The following ELAPOR1 variants were observed in gnomAD, a reference collection of about 807,000 sequenced individuals.
The protein encoded by ELAPOR1 is endosome/lysosome-associated apoptosis and autophagy regulator 1.
In ELAPOR1, 77 loss-of-function variants were observed where a neutral mutation model predicts 119.7. The ratio of observed to expected loss-of-function variants is 0.64; its 90% CI spans 0.54 to 0.78. The LOEUF (loss-of-function observed/expected upper bound fraction) is 0.78, where lower values mean the gene tolerates loss of function less well. Ranked by LOEUF, ELAPOR1 falls within the 30% of genes least tolerant of loss-of-function variation. The probability of loss-of-function intolerance (pLI) is 0.00; values close to 1 mark genes in which losing one functional copy is unlikely to be tolerated. For synonymous variants in ELAPOR1, 481 were observed against 487.2 expected (o/e 0.99, Z 0.17); for missense variants, 1,115 against 1,270.4 (o/e 0.88, Z 1.86).
chr1:109,170,192 GTT>G (rs757111503), intron 3 of ELAPOR1, among the ~76,000 whole-genome samples: 1 of 152,220 alleles, frequency 6.6e-6, no homozygotes, highest in Non-Finnish European at 1.5e-5. Flanking sequence ...GCATGCGCAT[GTT>G]AAACACCAGA....
rs374502106 is a variant in ELAPOR1 at position 109,200,864 on chromosome 1, G to A, written c.2937G>A (p.Lys979=). 2.2e-5 allele frequency: 36 copies of A among 1,614,078 alleles called. No individual in the cohort carries two copies. Among genetic ancestry groups the A allele is most frequent in the African/African-American group, 4.0e-5 (3 of 74,932 alleles). Residue 979 remains lysine, a synonymous_variant, in exon 21 of 22, where the codon AAG becomes AAA. Coordinates refer to ENST00000369939, the MANE Select transcript of ELAPOR1 (RefSeq NM_020775.5). The part of the protein sequence containing the change: ...VEDDLIFTSK[K]SLFGKIKSFT... ...ACGACCTCATCTTTACCAGCAAGAA[G>A]TCACTCTTTGGGAAGATCAAATCAT...
At chr1:109,121,546 C>G (rs958128431) in intron 1 of ELAPOR1, among the ~76,000 whole-genome samples, 13 of 152,064 alleles carry the variant, frequency 8.5e-5, no homozygotes, top group Admixed American at 8.5e-4. Flanking sequence ...GAACTCGTGG[C>G]CTCAAAGGAT....
intron 3 of ELAPOR1, among the ~76,000 whole-genome samples, chr1:109,168,031 C>T (rs961755544): frequency 6.6e-6 from 1 of 152,062 alleles, no homozygotes; most frequent in African/African-American, 2.4e-5. Flanking sequence ...CTGCCCTGCC[C>T]CCTGCCCTCT....
At chr1:109,123,509 C>T (rs1326589566) in intron 1 of ELAPOR1, among the ~76,000 whole-genome samples, 1 of 152,152 alleles carries the variant, frequency 6.6e-6, no homozygotes, top group Non-Finnish European at 1.5e-5. Context: ...GCACCATAGT[C>T]AAATTGCATA....
chr1:109,125,819 G>C (rs1431106583), intron 1 of ELAPOR1, among the ~76,000 whole-genome samples: 1 of 152,134 alleles, frequency 6.6e-6, no homozygotes, highest in Non-Finnish European at 1.5e-5. Flanking sequence ...TGACACTAAT[G>C]AGCAATGGAC....
At chr1:109,187,842 C>T in intron 8 of ELAPOR1, 3 of 1,022,936 alleles carry the variant, frequency 2.9e-6, no homozygotes, top group Non-Finnish European at 3.6e-6. Context: ...GCTGCTTTTC[C>T]TGTGACCTTG....
chr1:109,114,350 C>T lies in ELAPOR1; in HGVS notation c.153+14C>T. On this transcript the variant is annotated intron_variant, in intron 1 of 21. Transcript: ENST00000369939. ...GCCTGCAAAGAGGTACTGCCGCCCC[C>T]CTACCCGATCCCGCTTTGGTCACAA... 1.3e-6 allele frequency: 2 copies of T among 1,564,868 alleles called. No homozygotes were observed. Among genetic ancestry groups the T allele is most frequent in the South Asian group, 2.3e-5 (2 of 85,194 alleles).
chr1:109,156,537 T>C (rs1313436073), intron 1 of ELAPOR1, among the ~76,000 whole-genome samples: 6 of 150,162 alleles, frequency 4.0e-5, no homozygotes, highest in Non-Finnish European at 5.9e-5. Context: ...TCTGTCTCTA[T>C]GAATTTGACT....
intron 1 of ELAPOR1, among the ~76,000 whole-genome samples, chr1:109,133,433 C>T (rs1197774260): frequency 3.3e-5 from 5 of 151,486 alleles, no homozygotes; most frequent in Admixed American, 3.3e-4. Context: ...CAGGCAGGTG[C>T]AACAGAAAGA....
chr1:109,192,669 T>G lies in ELAPOR1; in HGVS notation c.1742T>G (p.Met581Arg), dbSNP rs769871064. The change falls in exon 14 of 22, where the codon ATG becomes AGG. Residue 581 changes from methionine to arginine, a missense_variant. Met to Arg is a moderately conservative substitution (Grantham distance 91). Transcript: ENST00000369939. ...KIYSINVTNV[M>R]NGVASYCRPC... ...TACTCCATCAATGTCACCAATGTTA[T>G]GAATGGTGTGGCCTCCTACTGCCGT... 5 of 1,614,052 alleles carry G rather than the reference T, an allele frequency of 3.1e-6. No individual in the cohort carries two copies. In the East Asian group the frequency reaches 1.1e-4, roughly 36 times the overall value.
chr1:109,185,052 A>C lies in ELAPOR1; in HGVS notation c.960A>C (p.Gly320=). ...CTTGCTTTGGCAATTTAGAGAAAGG[A>C]TCTTCTTCCTGTAACGTGCGCCCAG... ...QCDPDKYSEK[G]SSSCNVRPAC... is the part of the protein sequence containing the mutation. Residue 320 remains glycine (G), a synonymous_variant, in exon 8 of 22, where the codon GGA becomes GGC. Coordinates refer to ENST00000369939, the MANE Select transcript of ELAPOR1 (RefSeq NM_020775.5). 1 of 1,613,862 alleles carries C rather than the reference A, an allele frequency of 6.2e-7. No homozygotes were observed. The highest frequency in any genetic ancestry group is 8.5e-7 in the Non-Finnish European group (1 of 1,179,728).
chr1:109,185,428 T>TC (rs1387603889), intron 8 of ELAPOR1, among the ~76,000 whole-genome samples: 1 of 147,594 alleles, frequency 6.8e-6, no homozygotes, highest in Non-Finnish European at 1.5e-5. Context: ...GCCGAGCCAC[T>TC]CCGGCAGAGC....
chr1:109,177,874 G>A lies in ELAPOR1; in HGVS notation c.952+4037G>A, dbSNP rs192353496. 2.0e-5 allele frequency among the ~76,000 whole-genome samples: 3 copies of A among 152,274 alleles called. No homozygotes were observed. In the East Asian group the frequency reaches 5.8e-4, roughly 29 times the overall value. On this transcript the variant is annotated intron_variant, in intron 7 of 21. Transcript: ENST00000369939. ...ATAGAAGTGTTTTGATCAACTCTGT[G>A]TAAGCTGATTTTTATCCAGAGTGCT...
At chr1:109,153,108 G>T (rs543129454) in intron 1 of ELAPOR1, among the ~76,000 whole-genome samples, 7 of 152,048 alleles carry the variant, frequency 4.6e-5, no homozygotes, top group African/African-American at 1.7e-4. Context: ...ATGAGATGGG[G>T]CTCATTGCAC....
intron 1 of ELAPOR1, among the ~76,000 whole-genome samples, chr1:109,158,584 T>C (rs1402020288): frequency 6.6e-6 from 1 of 152,174 alleles, no homozygotes; most frequent in Non-Finnish European, 1.5e-5. Flanking sequence ...TTTGTTTTTC[T>C]GATGAACAGG....
intron 1 of ELAPOR1, among the ~76,000 whole-genome samples, chr1:109,132,861 G>A (rs750790821): frequency 3.9e-5 from 6 of 152,136 alleles, no homozygotes; most frequent in Non-Finnish European, 7.4e-5. Flanking sequence ...CTATCTACAA[G>A]GACTTCGGTT....
chr1:109,156,373 G>A (rs1053849827), intron 1 of ELAPOR1, among the ~76,000 whole-genome samples: 1 of 151,896 alleles, frequency 6.6e-6, no homozygotes, highest in Non-Finnish European at 1.5e-5. Context: ...TTAAGTCTAC[G>A]GTTCAGTGGC....
chr1:109,134,389 GCTT>G (rs1228280237), intron 1 of ELAPOR1, among the ~76,000 whole-genome samples: 1 of 152,074 alleles, frequency 6.6e-6, no homozygotes, highest in Non-Finnish European at 1.5e-5. Context: ...CCTGGTGTGG[GCTT>G]CTTGACCTCA....
At chr1:109,140,024 A>G (rs1649731059) in intron 1 of ELAPOR1, among the ~76,000 whole-genome samples, 1 of 152,182 alleles carries the variant, frequency 6.6e-6, no homozygotes, top group Admixed American at 6.5e-5. Flanking sequence ...CAGCCACTCA[A>G]AGTATTGGGA....
Sources: allele counts gnomAD v4.1 joint callset (sites outside exome capture counted in the v4.1 genomes callset), GRCh38; gene constraint gnomAD v4.1.1; transcripts MANE v1.5; gene names NCBI Gene and HGNC (gene_info 2026-07-23, HGNC 2026-07-21).